The following DNAH14 variants were observed in gnomAD, a reference collection of about 807,000 sequenced individuals.
The protein encoded by DNAH14 is axonemal beta dynein heavy chain 14.
Under a neutral mutation model 520.9 loss-of-function variants are expected in DNAH14, and 478 were observed. The ratio of observed to expected loss-of-function variants is 0.92; its 90% confidence interval spans 0.85 to 0.99. DNAH14 has a LOEUF of 0.99. Among genes scored for constraint, DNAH14 ranks in the 50% least tolerant of loss-of-function variants. DNAH14 has a pLI of 0.00. For synonymous variants in DNAH14, 1,581 were observed against 1,757.2 expected (o/e 0.90, Z 2.51); for missense variants, 4,831 against 5,234.5 (o/e 0.92, Z 2.38).
chr1:225,266,642 T>G lies in DNAH14; in HGVS notation c.7412T>G (p.Ile2471Ser). The G allele has an allele frequency of 6.7e-7, 1 of 1,487,946 alleles. No homozygotes were observed. The highest frequency in any genetic ancestry group is 1.4e-5 in the African/African-American group (1 of 69,306). 92.2% of individuals were successfully genotyped at this position (1,487,946 alleles called of 1,614,324 possible). A position where few individuals can be genotyped will look rare whatever the true frequency, so the allele number is the denominator to read the frequency against. Reference protein sequence around the residue: ...DTLGAPKNNRILIFIDDMNMP... With the variant: ...DTLGAPKNNRSLIFIDDMNMP... ...TTAAAACCTTTTGTCTTTCTTAAGA[T>G]TCTAATATTTATTGATGATATGAAT... Residue 2471 changes from isoleucine (I) to serine (S), a missense_variant and splice_region_variant, in exon 49 of 86, where the codon ATT becomes AGT. By Grantham distance (142) the Ile-to-Ser change is moderately radical. Coordinates refer to ENST00000682510, the MANE Select transcript of DNAH14 (RefSeq NM_001367479.1).
At position 225,240,654 on chromosome 1, in the gene DNAH14, C is replaced by CT. The variant is rs1436625954; in HGVS notation, c.6585dup (p.Val2196CysfsTer15). Reference sequence around the variant, plus strand: ...TAAATTAACAAAAATTATTCAAAAGCTTTTTGTGTTTGCCTTTACTTGGGC... The same window carrying CT: ...TAAATTAACAAAAATTATTCAAAAGCTTTTTTGTGTTTGCCTTTACTTGGGC... On this transcript the variant is annotated frameshift_variant, in exon 43 of 86. Coordinates refer to ENST00000682510, the MANE Select transcript of DNAH14 (RefSeq NM_001367479.1). LOFTEE classifies it high-confidence loss of function. The CT allele has an allele frequency of 3.2e-6, 5 of 1,550,450 alleles. No homozygotes were observed. Among genetic ancestry groups the CT allele is most frequent in the African/African-American group, 2.7e-5 (2 of 72,978 alleles).
Position 225,389,815 on chromosome 1 carries a change from C to T in DNAH14, c.13272C>T (p.Asn4424=). Reference sequence around the variant, plus strand: ...GCAAACACCCTGAGGATTCAGAGAACAATTTCTTTGAAGGGTTTCCTTCAA... The same window carrying T: ...GCAAACACCCTGAGGATTCAGAGAATAATTTCTTTGAAGGGTTTCCTTCAA... The part of the protein sequence containing the change: ...QKCKHPEDSE[N]NFFEGFPSRY... Residue 4424 remains asparagine, a synonymous_variant, in exon 83 of 86, where the codon AAC becomes AAT. Coordinates refer to ENST00000682510, the MANE Select transcript of DNAH14 (RefSeq NM_001367479.1). The T allele has an allele frequency of 6.4e-7, 1 of 1,551,746 alleles. No individual in the cohort carries two copies. The highest frequency in any genetic ancestry group is 8.7e-7 in the Non-Finnish European group (1 of 1,146,858).
chr1:225,096,262 G>A (rs1463380691), intron 21 of DNAH14, among the ~76,000 whole-genome samples: 1 of 152,148 alleles, frequency 6.6e-6, no homozygotes, highest in East Asian at 1.9e-4. Flanking sequence ...GATTACAGGT[G>A]TGAGCCACCG....
At chr1:225,335,257 CACATATACACGTGTACATT>C (rs1195316998) in intron 66 of DNAH14, among the ~76,000 whole-genome samples, 1,724 of 133,366 alleles carry the variant, frequency 0.013, 239 homozygotes, top group East Asian at 0.028. Context: ...TGTGTATATG[CACATATACACGTGTACATT>C]GTGTGTATAT....
intron 77 of DNAH14, among the ~76,000 whole-genome samples, chr1:225,374,145 CTATATATATATATATATATA>C (rs71170080): frequency 0.39 from 12,907 of 33,094 alleles, 2,312 homozygotes; most frequent in Middle Eastern, 0.62. Flanking sequence ...TTGTGTCTTA[CTATATATATATATATATATA>C]TATATATATA....
chr1:225,312,299 A>G (rs559838175), intron 60 of DNAH14, among the ~76,000 whole-genome samples: 40 of 152,234 alleles, frequency 2.6e-4, no homozygotes, highest in African/African-American at 9.1e-4. Context: ...TCGATTTTGT[A>G]TCCTGAGACT....
chr1:225,152,861 C>T lies in DNAH14; in HGVS notation c.5174C>T (p.Ala1725Val), dbSNP rs774938243. 4.1e-5 allele frequency: 64 copies of T among 1,550,092 alleles called. No individual in the cohort carries two copies. The highest frequency in any genetic ancestry group is 1.6e-4 in the South Asian group (13 of 83,840). Residue 1725 changes from alanine to valine, a missense_variant, in exon 33 of 86, where the codon GCG becomes GTG. Coordinates refer to ENST00000682510, the MANE Select transcript of DNAH14 (RefSeq NM_001367479.1). The stretch of plus-strand genomic sequence containing the variant: ...AAGCTAACTAACCTTTATGAATTAG[C>T]GCGCAAACAGCTCTCACAACAGGTA... Reference protein sequence around the residue: ...SGKLTNLYELARKQLSQQDHY... With the variant: ...SGKLTNLYELVRKQLSQQDHY...
At position 225,002,802 on chromosome 1, in the gene DNAH14, CT is replaced by C; in HGVS notation, c.857del (p.Leu286TrpfsTer13). 1 of 1,548,840 alleles carries C rather than the reference CT, an allele frequency of 6.5e-7. No individual in the cohort carries two copies. The highest frequency in any genetic ancestry group is 8.7e-7 in the Non-Finnish European group (1 of 1,145,646). ...TTTCAGGTCATTTTTGTACCACCAT[CT>C]TTTTTTGGCTGATGACTTGTTTCAA... ...EKSRSFLYHH[L>X]FLADDLFQTC... is the part of the protein sequence containing the mutation. On this transcript the variant is annotated frameshift_variant, in exon 9 of 86. Coordinates refer to ENST00000682510, the MANE Select transcript of DNAH14 (RefSeq NM_001367479.1). LOFTEE classifies it high-confidence loss of function.
intron 54 of DNAH14, among the ~76,000 whole-genome samples, chr1:225,282,772 C>A (rs1186874271): frequency 6.6e-6 from 1 of 152,162 alleles, no homozygotes; most frequent in East Asian, 1.9e-4. Context: ...ACTGCAGGGG[C>A]AAACATAGAG....
chr1:225,275,784 A>T (rs1483711968), intron 52 of DNAH14, 130 bp from the exon 53 acceptor site: 1 of 171,810 alleles, frequency 5.8e-6, no homozygotes, highest in East Asian at 1.9e-4. Flanking sequence ...AGCACAAAAA[A>T]AGTTAAGAAC....
chr1:225,153,480 A>T (rs932247528), intron 33 of DNAH14, among the ~76,000 whole-genome samples: 1 of 152,116 alleles, frequency 6.6e-6, no homozygotes, highest in Non-Finnish European at 1.5e-5. Flanking sequence ...CTTTCAATTT[A>T]TCTCATTCTA....
At position 225,335,559 on chromosome 1, in the gene DNAH14, A is replaced by G. The variant is rs1237055891; in HGVS notation, c.10081-1707A>G. Among the ~76,000 whole-genome samples, 22 of 149,970 alleles carry G rather than the reference A, an allele frequency of 1.5e-4. 2 individuals carry two copies. Among genetic ancestry groups the G allele is most frequent in the Non-Finnish European group, 3.0e-4 (20 of 67,130 alleles). On this transcript the variant is annotated intron_variant, in intron 66 of 85. Coordinates refer to ENST00000682510, the MANE Select transcript of DNAH14 (RefSeq NM_001367479.1). ...TACATATATACGTATATACATATGT[A>G]CATCTATGTATATACGCATATGTGC... is the stretch of plus-strand genomic sequence containing the variant.
At chr1:225,161,596 A>G (rs1008067305) in intron 35 of DNAH14, among the ~76,000 whole-genome samples, 1 of 152,204 alleles carries the variant, frequency 6.6e-6, no homozygotes, top group African/African-American at 2.4e-5. Flanking sequence ...ATTGTTCTCC[A>G]TAGTGGTTGT....
chr1:225,307,404 T>C (rs1490072943), intron 58 of DNAH14, 57 bp from the exon 59 acceptor site: 8 of 1,202,914 alleles, frequency 6.7e-6, no homozygotes, highest in Non-Finnish European at 9.3e-6. Flanking sequence ...ATTATCAAAT[T>C]ATATTTGCTA....
chr1:225,268,818 G>A (rs1025656294), intron 49 of DNAH14, among the ~76,000 whole-genome samples: 47 of 152,174 alleles, frequency 3.1e-4, no homozygotes, highest in African/African-American at 6.5e-4. Context: ...ACTGCTCAAC[G>A]AAATAAAAGA....
At position 225,079,334 on chromosome 1, in the gene DNAH14, T is replaced by A; in HGVS notation, c.2552T>A (p.Met851Lys). The A allele has an allele frequency of 6.4e-7, 1 of 1,550,608 alleles. No individual in the cohort carries two copies. The highest frequency in any genetic ancestry group is 2.4e-5 in the East Asian group (1 of 40,856). The stretch of plus-strand genomic sequence containing the variant: ...AAATTAGAAAAAGAGTTCTTAACAA[T>A]GTCTCAGCTATATTCTGTTGCAAAG... ...ISKLEKEFLT[M>K]SQLYSVAKHH... The change falls in exon 18 of 86, where the codon ATG (methionine) becomes AAG (lysine). Residue 851 changes from methionine to lysine, a missense_variant. Transcript: ENST00000682510.
chr1:225,256,407 G>A (rs982520648), intron 44 of DNAH14, among the ~76,000 whole-genome samples: 18 of 151,974 alleles, frequency 1.2e-4, no homozygotes, highest in Non-Finnish European at 8.8e-5. Context: ...GATGGATTTG[G>A]GGTCAACTGC....
In DNAH14 at chr1:225,045,035, A is replaced by G. The variant is rs559808165; in HGVS notation, c.1912+1052A>G. On this transcript the variant is annotated intron_variant, in intron 15 of 85. Transcript: ENST00000682510. ...GTATACTTGTGATTTCTGTCTAGTA[A>G]TTTATCATTTGGAGTTACGAACTTT... Among the ~76,000 whole-genome samples the G allele has an allele frequency of 4.6e-5, 7 of 152,150 alleles. No homozygotes were observed. In the East Asian group the frequency reaches 1.2e-3, roughly 25 times the overall value.
intron 23 of DNAH14, among the ~76,000 whole-genome samples, chr1:225,112,477 ATAACCTTCTTGTACTT>A (rs1558995359): frequency 6.6e-6 from 1 of 152,120 alleles, no homozygotes; most frequent in Non-Finnish European, 1.5e-5. Context: ...TTGGTGTTCT[ATAACCTTCTTGTACTT>A]CAATACTGAT....
Sources: gnomAD v4.1 joint callset for allele counts (sites outside exome capture counted in the v4.1 genomes callset) on GRCh38, gnomAD v4.1.1 for gene constraint, MANE v1.5 for transcripts, NCBI Gene and HGNC (gene_info 2026-07-23, HGNC 2026-07-21) for gene names.